Variants in PHTF1 observed in about 807,000 individuals in gnomAD.
PHTF1 encodes protein PHTF1.
In PHTF1, 88 loss-of-function variants were observed where a neutral mutation model predicts 102.4. The observed-to-expected ratio is 0.86, with a 90% CI of 0.72 to 1.03. The LOEUF is 1.03. Among genes scored for constraint, PHTF1 ranks in the 50% least tolerant of loss-of-function variants. The probability of loss-of-function intolerance (pLI) is 0.00; values close to 1 mark genes in which losing one functional copy is unlikely to be tolerated. For synonymous variants in PHTF1, 289 were observed against 305.2 expected (o/e 0.95, Z 0.55); for missense variants, 814 against 909.5 (o/e 0.89, Z 1.35).
chr1:113,723,100 T>C (rs575958163), intron 7 of PHTF1, among the ~76,000 whole-genome samples: 1 of 151,838 alleles, frequency 6.6e-6, no homozygotes, highest in Admixed American at 6.6e-5. Flanking sequence ...AGGAGCATGG[T>C]AGTGGCATAA....
chr1:113,744,743 G>A (rs71590576), intron 3 of PHTF1, among the ~76,000 whole-genome samples: 6,966 of 152,144 alleles, frequency 0.046, 194 homozygotes, highest in Non-Finnish European at 0.067. Flanking sequence ...TGACCTCAGG[G>A]CGACCAGCCT....
chr1:113,711,638 C>T (rs1651101946), intron 10 of PHTF1, 108 bp downstream of exon 10: 2 of 759,098 alleles, frequency 2.6e-6, no homozygotes, highest in African/African-American at 1.7e-5. Context: ...CAGGGAAGGG[C>T]TGGCAAATAT....
At chr1:113,699,949 T>TAA in intron 16 of PHTF1, 150 bp from the exon 17 acceptor site, 1 of 671,146 alleles carries the variant, frequency 1.5e-6, no homozygotes, top group Non-Finnish European at 2.3e-6. Flanking sequence ...TGTCATGTGC[T>TAA]CTAGCCCCCA....
intron 8 of PHTF1, 69 bp from the exon 9 acceptor site, chr1:113,712,182 A>G: frequency 7.8e-7 from 1 of 1,287,822 alleles, no homozygotes; most frequent in Non-Finnish European, 1.1e-6. Flanking sequence ...CATGTGTAAA[A>G]ACAAAAAAAA....
intron 3 of PHTF1, among the ~76,000 whole-genome samples, chr1:113,753,575 G>A (rs979563137): frequency 1.3e-5 from 2 of 152,052 alleles, no homozygotes; most frequent in Non-Finnish European, 2.9e-5. Context: ...CTACAGGTGC[G>A]TGTCACCATG....
chr1:113,705,664 A>G lies in PHTF1; in HGVS notation c.1671+226T>C, dbSNP rs1571089122. The G allele has an allele frequency of 2.6e-5, 12 of 459,910 alleles. No homozygotes were observed. The East Asian group carries it at 4.4e-4, about 17-fold the overall frequency. 28.5% of individuals were successfully genotyped at this position (459,910 alleles called of 1,614,324 possible). On this transcript the variant is annotated intron_variant, in intron 13 of 18. Coordinates refer to ENST00000369604, the MANE Select transcript of PHTF1 (RefSeq NM_001323043.2). ...GTCGGCTAGGCTCACTCACTGGCTA[A>G]GCCACTTATTCTACACATGAGGCCT...
chr1:113,731,902 TAAAAAAAAA>T (rs562312013), intron 5 of PHTF1, among the ~76,000 whole-genome samples: 7 of 109,310 alleles, frequency 6.4e-5, no homozygotes, highest in Middle Eastern at 5.4e-3. Flanking sequence ...GTCTCAATTT[TAAAAAAAAA>T]AAAAAAAAAA....
intron 15 of PHTF1, among the ~76,000 whole-genome samples, chr1:113,702,187 G>A (rs1649526830): frequency 6.6e-6 from 1 of 152,030 alleles, no homozygotes; most frequent in Admixed American, 6.5e-5. Flanking sequence ...TCAAGAGAGT[G>A]ATAAATTAAT....
At position 113,711,922 on chromosome 1, in the gene PHTF1, A is replaced by C; in HGVS notation, c.957+18T>G. 6.2e-7 allele frequency: 1 copy of C among 1,609,506 alleles called. No individual in the cohort carries two copies. The highest frequency in any genetic ancestry group is 8.5e-7 in the Non-Finnish European group (1 of 1,175,858). On this transcript the variant is annotated intron_variant, in intron 9 of 18. Coordinates refer to ENST00000369604, the MANE Select transcript of PHTF1 (RefSeq NM_001323043.2). ...AATGATTCAGTCCTATACTTTCATAAACTAAAATAGAAATTACCTGAGAGT... is the reference window on the plus strand; with the variant it reads ...AATGATTCAGTCCTATACTTTCATACACTAAAATAGAAATTACCTGAGAGT...
At chr1:113,706,211 G>A in intron 12 of PHTF1, 49 bp from the exon 13 acceptor site, 1 of 1,468,730 alleles carries the variant, frequency 6.8e-7, no homozygotes, top group Non-Finnish European at 9.3e-7. Context: ...GCTAAATGGA[G>A]TTACAAAGCA....
At chr1:113,759,664 G>C (rs551734681), upstream of PHTF1, among the ~76,000 whole-genome samples, 1 of 152,368 alleles carries the variant, frequency 6.6e-6, no homozygotes, top group South Asian at 2.1e-4. Context: ...GCCAAGAGCA[G>C]CTCCCTCAGA....
intron 5 of PHTF1, 71 bp downstream of exon 5, chr1:113,738,039 A>G: frequency 1.9e-6 from 2 of 1,026,152 alleles, no homozygotes; most frequent in Non-Finnish European, 3.0e-6. Context: ...TAAAATCAGT[A>G]GGTCTTCATT....
intron 18 of PHTF1, 149 bp downstream of exon 18, chr1:113,698,113 T>C: frequency 1.6e-6 from 1 of 618,608 alleles, no homozygotes; most frequent in Non-Finnish European, 2.7e-6. Flanking sequence ...CCAATCAAAA[T>C]GCCTATTTCT....
intron 3 of PHTF1, among the ~76,000 whole-genome samples, chr1:113,739,728 T>C (rs1408675630): frequency 2.0e-5 from 3 of 152,204 alleles, no homozygotes; most frequent in Admixed American, 2.0e-4. Context: ...CTATCTGTCA[T>C]TGCCTCCCTC....
chr1:113,706,569 A>C (rs1650219491), intron 12 of PHTF1, 25 bp downstream of exon 12: 2 of 1,555,376 alleles, frequency 1.3e-6, no homozygotes, highest in East Asian at 2.3e-5. Context: ...TTTTTTGAAA[A>C]ATCTGAAAAC....
At chr1:113,726,326 A>G in intron 6 of PHTF1, 92 bp downstream of exon 6, 1 of 988,444 alleles carries the variant, frequency 1.0e-6, no homozygotes, top group Non-Finnish European at 1.5e-6. Context: ...AAAACACAAA[A>G]GAGGGAGATT....
intron 12 of PHTF1, 33 bp from the exon 13 acceptor site, chr1:113,706,195 G>T (rs779213481): frequency 6.4e-7 from 1 of 1,553,090 alleles, no homozygotes; most frequent in Non-Finnish European, 8.7e-7. Flanking sequence ...CACCATTATT[G>T]TGTTAGCTAA....
At chr1:113,718,209 C>T (rs767883172) in intron 7 of PHTF1, among the ~76,000 whole-genome samples, 1 of 152,140 alleles carries the variant, frequency 6.6e-6, no homozygotes, top group Non-Finnish European at 1.5e-5. Flanking sequence ...GTCTGAAATC[C>T]AGTGGGGGAG....
chr1:113,754,542 T>C (rs1658566059), intron 3 of PHTF1, among the ~76,000 whole-genome samples: 1 of 152,240 alleles, frequency 6.6e-6, no homozygotes, highest in South Asian at 2.1e-4. Context: ...ATTTTATTTT[T>C]GGTATTTCTT....
Sources: allele counts gnomAD v4.1 joint callset (sites outside exome capture counted in the v4.1 genomes callset), GRCh38; gene constraint gnomAD v4.1.1; transcripts MANE v1.5; gene names NCBI Gene and HGNC (gene_info 2026-07-23, HGNC 2026-07-21).